PAM16: variants seen among roughly 807,000 people sequenced by gnomAD.
PAM16 encodes the protein mitochondrial import inner membrane translocase subunit TIM16.
In PAM16, 11 loss-of-function variants were observed where a neutral mutation model predicts 17.9. That is an observed-to-expected ratio of 0.62 (90% CI 0.39 to 1.02). The LOEUF is 1.02. PAM16 is among the 50% of genes least tolerant of loss of function. The pLI is 0.01. For synonymous variants in PAM16, 72 were observed against 67.4 expected, an observed-to-expected ratio of 1.07 and a Z score of -0.34; for missense variants, 199 against 165.4, an observed-to-expected ratio of 1.20 and a Z score of -1.11.
intron 1 of PAM16, 150 bp from the exon 2 acceptor site, chr16:4,343,441 C>A: frequency 6.9e-7 from 1 of 1,439,184 alleles, no homozygotes; most frequent in Non-Finnish European, 9.1e-7. Context: ...CTCCAAAGCA[C>A]CCTGAATGAA....
At chr16:4,349,104 T>C (rs1041919716) in intron 1 of PAM16, among the ~76,000 whole-genome samples, 7 of 152,004 alleles carry the variant, frequency 4.6e-5, no homozygotes, top group African/African-American at 1.7e-4. Flanking sequence ...TACAGGTGCC[T>C]GCCACCACAC....
chr16:4,341,231 G>A (rs1328493633), intron 3 of PAM16, 137 bp downstream of exon 3: 1 of 1,403,432 alleles, frequency 7.1e-7, no homozygotes, highest in Non-Finnish European at 9.6e-7. Flanking sequence ...ACGAGCAACA[G>A]TGGCTCCCGA....
intron 1 of PAM16, among the ~76,000 whole-genome samples, chr16:4,349,508 C>A (rs985948952): frequency 1.3e-5 from 2 of 152,146 alleles, no homozygotes; most frequent in Non-Finnish European, 2.9e-5. Flanking sequence ...ATCACCTAAG[C>A]CCCAGGAGGT....
Position 4,341,424 on chromosome 16 carries a change from G to A in PAM16, c.169C>T (p.Gln57Ter). 1.2e-6 allele frequency: 2 copies of A among 1,605,798 alleles called. No individual in the cohort carries two copies. The highest frequency in any genetic ancestry group is 1.7e-6 in the Non-Finnish European group (2 of 1,176,956). Reference sequence around the variant, plus strand: ...ACGTTGAGAATCTGCTGTGCCTCCTGGAGGCTGAGGCCGGAGAGGTTGGAA... The same window carrying A: ...ACGTTGAGAATCTGCTGTGCCTCCTAGAGGCTGAGGCCGGAGAGGTTGGAA... ...AASNLSGLSL[Q>*]EAQQILNVSK... Residue 57 changes from glutamine to a stop codon, truncating the protein, a stop_gained, in exon 3 of 5, where the codon CAG becomes TAG. Coordinates refer to ENST00000318059, the MANE Select transcript of PAM16 (RefSeq NM_016069.11). LOFTEE classifies it high-confidence loss of function.
chr16:4,344,781 C>G (rs1193960354), intron 1 of PAM16, among the ~76,000 whole-genome samples: 17 of 28,186 alleles, frequency 6.0e-4, no homozygotes, highest in African/African-American at 2.0e-3. Flanking sequence ...GGAGGGGGTT[C>G]TGTGAGAGGA....
rs749204986 is a variant in PAM16 at position 4,351,321 on chromosome 16, G to C, written c.-87C>G. 3.6e-6 allele frequency: 4 copies of C among 1,104,278 alleles called. No homozygotes were observed. The African/African-American group carries it at 6.4e-5, about 18-fold the overall frequency. The allele number at this position is 1,104,278 out of a possible 1,614,324, so 68.4% of individuals were successfully genotyped here. The stretch of plus-strand genomic sequence containing the variant: ...GCGTGGTCGGCGGGTCAGAGGTCAA[G>C]GAAAGCCGCAGAGAGCGCGTGCGCG... On this transcript the variant is annotated 5_prime_UTR_variant, in exon 1 of 5. Coordinates refer to ENST00000318059, the MANE Select transcript of PAM16 (RefSeq NM_016069.11).
At chr16:4,345,240 A>G (rs611704) in intron 1 of PAM16, 148,280 of 152,186 alleles carry the variant, frequency 0.97, 72,263 homozygotes, top group East Asian at 1. Flanking sequence ...ATTTGCCTTC[A>G]GTCAACAAGT....
At chr16:4,343,578 G>C (rs2053686055) in intron 1 of PAM16, 2 of 1,386,502 alleles carry the variant, frequency 1.4e-6, no homozygotes, top group Non-Finnish European at 1.9e-6. Context: ...GCAAGGCAAA[G>C]TGGCTGCAAC....
chr16:4,344,512 T>C (rs953305241), intron 1 of PAM16, among the ~76,000 whole-genome samples: 12 of 4,348 alleles, frequency 2.8e-3, no homozygotes, highest in East Asian at 6.8e-3. Flanking sequence ...GAGGAGGGGG[T>C]TCTGTGAGAG....
chr16:4,340,301 G>C lies in PAM16; in HGVS notation c.*18C>G. ...CTATAAATTAGAGGCGGCGGGGTGG[G>C]CGGGGGGAGCCGAGCAGTCACGTAT... On this transcript the variant is annotated 3_prime_UTR_variant, in exon 5 of 5. Transcript: ENST00000318059. 5 of 1,602,058 alleles carry C rather than the reference G, an allele frequency of 3.1e-6. No individual in the cohort carries two copies. Among genetic ancestry groups the C allele is most frequent in the Non-Finnish European group, 4.3e-6 (5 of 1,171,858 alleles).
chr16:4,349,721 C>T (rs1348331666), intron 1 of PAM16, among the ~76,000 whole-genome samples: 1 of 152,098 alleles, frequency 6.6e-6, no homozygotes, highest in Non-Finnish European at 1.5e-5. Context: ...GAGCTAGGAT[C>T]GCTCCACTGC....
At position 4,343,287 on chromosome 16, in the gene PAM16, T is replaced by C. The variant is rs774078020; in HGVS notation, c.8A>G (p.Lys3Arg). 5 of 1,610,304 alleles carry C rather than the reference T, an allele frequency of 3.1e-6. No homozygotes were observed. Among genetic ancestry groups the C allele is most frequent in the Middle Eastern group, 3.3e-4 (2 of 6,040 alleles). ...CATCACAATGATCTGGGCCAGGTAC[T>C]TGGCCTGTGGGCAAAGCAGGCACCC... is the stretch of plus-strand genomic sequence containing the variant. MA[K>R]YLAQIIVMGV... Residue 3 changes from lysine to arginine, a missense_variant, in exon 2 of 5, where the codon AAG becomes AGG. Physicochemically the swap from Lys to Arg is conservative, Grantham distance 26 (BLOSUM62 2). Coordinates refer to ENST00000318059, the MANE Select transcript of PAM16 (RefSeq NM_016069.11).
intron 1 of PAM16, 199 bp from the exon 2 acceptor site, chr16:4,343,490 G>A: frequency 7.0e-7 from 1 of 1,426,078 alleles, no homozygotes; most frequent in Non-Finnish European, 9.1e-7. Flanking sequence ...CACTGGACAG[G>A]CAGGCAGGCG....
At chr16:4,341,573 G>A (rs770936105) in intron 2 of PAM16, 69 bp from the exon 3 acceptor site, 3 of 1,519,126 alleles carry the variant, frequency 2.0e-6, no homozygotes, top group Non-Finnish European at 2.6e-6. Context: ...TTCCGAGTTG[G>A]TGGCTCACCC....
intron 1 of PAM16, among the ~76,000 whole-genome samples, chr16:4,349,328 G>T (rs910495910): frequency 6.6e-6 from 1 of 152,178 alleles, no homozygotes; most frequent in African/African-American, 2.4e-5. Flanking sequence ...AGCACTTTGG[G>T]AGTCCGAGGC....
chr16:4,340,987 T>C lies in PAM16; in HGVS notation c.226-2A>G, dbSNP rs1180723944. 6.2e-7 allele frequency: 1 copy of C among 1,613,388 alleles called. No homozygotes were observed. Among genetic ancestry groups the C allele is most frequent in the African/African-American group, 1.3e-5 (1 of 74,940 alleles). ...CACCTTAAATAAGTGTTCATAGTTC[T>C]GCAGAGGAGAGGGGACGGGTGAGAG... On this transcript the variant is annotated splice_acceptor_variant, in intron 3 of 4. Transcript: ENST00000318059. LOFTEE classifies it high-confidence loss of function.
chr16:4,342,334 G>A (rs1249912436), intron 2 of PAM16, among the ~76,000 whole-genome samples: 1 of 150,734 alleles, frequency 6.6e-6, no homozygotes, highest in Non-Finnish European at 1.5e-5. Flanking sequence ...CTCCAGCCTG[G>A]GCAACACAGT....
At chr16:4,341,286 C>A in intron 3 of PAM16, 82 bp downstream of exon 3, 1 of 1,506,544 alleles carries the variant, frequency 6.6e-7, no homozygotes, top group Non-Finnish European at 8.9e-7. Context: ...CCACATCGGA[C>A]CTCCCTGGCC....
intron 1 of PAM16, among the ~76,000 whole-genome samples, chr16:4,349,184 T>A (rs1325710388): frequency 6.6e-6 from 1 of 151,798 alleles, no homozygotes; most frequent in Non-Finnish European, 1.5e-5. Flanking sequence ...CTTGATCTCC[T>A]GACCTCGTGA....
Sources: allele counts gnomAD v4.1 joint callset (sites outside exome capture counted in the v4.1 genomes callset), GRCh38; gene constraint gnomAD v4.1.1; transcripts MANE v1.5; gene names NCBI Gene and HGNC (gene_info 2026-07-23, HGNC 2026-07-21).